Variants in CGB7 observed in about 807,000 individuals in gnomAD.
CGB7 encodes chorionic gonadotropin subunit beta 7, also known as choriogonadotropin subunit beta 7.
Under a neutral mutation model 7.3 loss-of-function variants are expected in CGB7, and 6 were observed. That is an observed-to-expected ratio of 0.82 (90% CI 0.45 to 1.62). The LOEUF is 1.62. CGB7 is among the 40% of genes most tolerant of loss of function. The pLI is 0.01. For synonymous variants in CGB7, 47 were observed against 100.8 expected (o/e 0.47, Z 3.20); for missense variants, 114 against 236.2 (o/e 0.48, Z 3.39).
intron 2 of CGB7, 44 bp downstream of exon 2, chr19:49,057,077 C>CG (rs1277722315): frequency 1.3e-6 from 2 of 1,523,366 alleles, no homozygotes; most frequent in Non-Finnish European, 1.8e-6. Flanking sequence ...CCGGCCATGG[C>CG]GGGGGCTGTG....
Position 49,057,563 on chromosome 19 carries a change from G to T in CGB7, c.-1450C>A. 1 of 1,188,132 alleles carries T rather than the reference G, an allele frequency of 8.4e-7. No homozygotes were observed. The highest frequency in any genetic ancestry group is 1.1e-6 in the Non-Finnish European group (1 of 952,088). 73.6% of individuals were successfully genotyped at this position (1,188,132 alleles called of 1,614,324 possible). A position where few individuals can be genotyped will look rare whatever the true frequency, so the allele number is the denominator to read the frequency against. ...CTGCCCCCGGTCTCAAGCCTTCTTG[G>T]TGTGGCCACTGGAGCTGAGCTGCAT... On this transcript the variant is annotated 5_prime_UTR_variant, in exon 1 of 5. Transcript: ENST00000684222.
At position 49,054,315 on chromosome 19, in the gene CGB7, T is replaced by C. The variant is rs34618037; in HGVS notation, c.474A>G (p.Ser158=). Reference sequence around the variant, plus strand: ...TTTATTGTGGGAGGATCGGGGTGTCTGAGGGCCCCGGGAGTCGGGATGGAC... The same window carrying C: ...TTTATTGTGGGAGGATCGGGGTGTCCGAGGGCCCCGGGAGTCGGGATGGAC... The part of the protein sequence containing the change: ...LPSPSRLPGP[S]DTPILPQ Residue 158 remains serine (S), a synonymous_variant, in exon 5 of 5, where the codon TCA becomes TCG. Coordinates refer to ENST00000684222, the MANE Select transcript of CGB7 (RefSeq NM_001385261.1). 283,210 of 1,240,678 alleles carry C rather than the reference T, an allele frequency of 0.23. 72,122 individuals carry two copies. The highest frequency in any genetic ancestry group is 0.3 in the South Asian group (22,125 of 74,852). The allele number at this position is 1,240,678 out of a possible 1,614,324, so 76.9% of individuals were successfully genotyped here.
rs1191743203 is a variant in CGB7 at position 49,055,964 on chromosome 19, C to T, written c.-589G>A. 3 of 1,114,224 alleles carry T rather than the reference C, an allele frequency of 2.7e-6. No individual in the cohort carries two copies. Among genetic ancestry groups the T allele is most frequent in the Non-Finnish European group, 3.3e-6 (3 of 902,726 alleles). 69.0% of individuals were successfully genotyped at this position (1,114,224 alleles called of 1,614,324 possible). ...CCCACCCTACCCTCAAGCCAGGATG[C>T]CCGGAGCGGTCCCCGGAAATGCGTG... On this transcript the variant is annotated 5_prime_UTR_variant, in exon 3 of 5. Transcript: ENST00000684222.
Position 49,056,061 on chromosome 19 carries a change from C to A in CGB7, c.-686G>T. The A allele has an allele frequency of 8.5e-7, 1 of 1,171,264 alleles. No individual in the cohort carries two copies. Among genetic ancestry groups the A allele is most frequent in the East Asian group, 6.2e-5 (1 of 16,058 alleles). 72.6% of individuals were successfully genotyped at this position (1,171,264 alleles called of 1,614,324 possible). The stretch of plus-strand genomic sequence containing the variant: ...TGTCCTGCCCGCGGGGCCGCAGCCT[C>A]GGAGGACATTGTCTGGACTTAGTCC... On this transcript the variant is annotated 5_prime_UTR_variant, in exon 3 of 5. The change creates a premature stop within an existing upstream ORF in the 5' untranslated region. Transcript: ENST00000684222.
chr19:49,056,511 C>T lies in CGB7; in HGVS notation c.-1136G>A. On this transcript the variant is annotated 5_prime_UTR_variant, in exon 3 of 5. Coordinates refer to ENST00000684222, the MANE Select transcript of CGB7 (RefSeq NM_001385261.1). ...AAGAGCAGAGACAGGGCTGCCGCTG[C>T]GGGTCGTGACTCCAGAGTTGGGGCG... The T allele has an allele frequency of 1.5e-6, 2 of 1,302,644 alleles. No individual in the cohort carries two copies. Among genetic ancestry groups the T allele is most frequent in the Non-Finnish European group, 1.0e-6 (1 of 997,690 alleles). The allele number at this position is 1,302,644 out of a possible 1,614,324, so 80.7% of individuals were successfully genotyped here. A position where few individuals can be genotyped will look rare whatever the true frequency, so the allele number is the denominator to read the frequency against.
Position 49,054,826 on chromosome 19 carries a change from C to T in CGB7, c.183+15G>A, listed in dbSNP as rs1270006070. On this transcript the variant is annotated intron_variant, in intron 4 of 4. Coordinates refer to ENST00000684222, the MANE Select transcript of CGB7 (RefSeq NM_001385261.1). The stretch of plus-strand genomic sequence containing the variant: ...CCTGAGGTGGCAGCACCTGCCCGGG[C>T]CCCGGGCAGCTCACCATGGTGGGGC... 5 of 1,574,502 alleles carry T rather than the reference C, an allele frequency of 3.2e-6. No homozygotes were observed. The highest frequency in any genetic ancestry group is 2.3e-5 in the East Asian group (1 of 44,346).
rs993962182 is a variant in CGB7 at position 49,056,189 on chromosome 19, C to A, written c.-814G>T. On this transcript the variant is annotated 5_prime_UTR_variant, in exon 3 of 5. Coordinates refer to ENST00000684222, the MANE Select transcript of CGB7 (RefSeq NM_001385261.1). ...GTGCGAGCCCACCTAGGTCCGACAC[C>A]GCGTAGTGAGCGGCTGCCCAGAGCT... 11 of 1,270,266 alleles carry A rather than the reference C, an allele frequency of 8.7e-6. No individual in the cohort carries two copies. The highest frequency in any genetic ancestry group is 1.0e-5 in the Non-Finnish European group (10 of 977,478). 78.7% of individuals were successfully genotyped at this position (1,270,266 alleles called of 1,614,324 possible). A position where few individuals can be genotyped will look rare whatever the true frequency, so the allele number is the denominator to read the frequency against.
In CGB7 at chr19:49,055,553, C is replaced by T. The variant is rs2040049022; in HGVS notation, c.-178G>A. The stretch of plus-strand genomic sequence containing the variant: ...GCTCAGCGGAGCACCCCAGTCCTCT[C>T]CCCTCAGTGGTCTAGCGCCAAGGAT... On this transcript the variant is annotated 5_prime_UTR_variant, in exon 3 of 5. Coordinates refer to ENST00000684222, the MANE Select transcript of CGB7 (RefSeq NM_001385261.1). 19 of 1,544,208 alleles carry T rather than the reference C, an allele frequency of 1.2e-5. No homozygotes were observed. Among genetic ancestry groups the T allele is most frequent in the East Asian group, 2.3e-5 (1 of 44,122 alleles).
chr19:49,055,056 G>C, intron 3 of CGB7, 48 bp from the exon 4 acceptor site: 1 of 1,600,928 alleles, frequency 6.2e-7, no homozygotes, highest in Middle Eastern at 2.2e-4. Flanking sequence ...ACAGCCCTGA[G>C]CCCTGGCCTT....
At chr19:49,057,036 A>C (rs1426784246) in intron 2 of CGB7, 85 bp downstream of exon 2, 76 of 1,401,956 alleles carry the variant, frequency 5.4e-5, no homozygotes, top group Non-Finnish European at 7.0e-5. Context: ...CCGGTCAGGG[A>C]ATGGGAGCCA....
At chr19:49,057,411 G>T in intron 1 of CGB7, 51 bp downstream of exon 1, 8 of 1,389,158 alleles carry the variant, frequency 5.8e-6, no homozygotes, top group Non-Finnish European at 7.5e-6. Context: ...TGCCACCCAC[G>T]CCAGGGAACT....
In CGB7 at chr19:49,055,544, C is replaced by T; in HGVS notation, c.-169G>A. ...ACAGGAGTGGCTCAGCGGAGCACCC[C>T]AGTCCTCTCCCCTCAGTGGTCTAGC... On this transcript the variant is annotated 5_prime_UTR_variant, in exon 3 of 5. Coordinates refer to ENST00000684222, the MANE Select transcript of CGB7 (RefSeq NM_001385261.1). 1.9e-6 allele frequency: 3 copies of T among 1,556,260 alleles called. No homozygotes were observed. Among genetic ancestry groups the T allele is most frequent in the Admixed American group, 3.7e-5 (2 of 54,102 alleles).
chr19:49,057,429 C>A (rs2040080254), intron 1 of CGB7, 33 bp downstream of exon 1: 1 of 1,372,934 alleles, frequency 7.3e-7, no homozygotes. Context: ...ACTTCAGCTT[C>A]CTTTCTCATA....
chr19:49,056,978 G>T (rs140697645), intron 2 of CGB7, 143 bp downstream of exon 2: 7 of 862,196 alleles, frequency 8.1e-6, no homozygotes, highest in Non-Finnish European at 1.2e-5. Context: ...GGAGGGGCTG[G>T]GGTCTGAACT....
intron 3 of CGB7, 117 bp from the exon 4 acceptor site, chr19:49,055,125 T>C: frequency 6.4e-7 from 1 of 1,574,082 alleles, no homozygotes; most frequent in Admixed American, 1.7e-5. Context: ...GCATCTCCTA[T>C]TCAGGACCCA....
chr19:49,054,468 G>T lies in CGB7; in HGVS notation c.321C>A (p.Ser107Arg). Residue 107 changes from serine to arginine, a missense_variant, in exon 5 of 5, where the codon AGC becomes AGA. By Grantham distance (110) the Ser-to-Arg change is moderately radical. This residue lies in a region of CGB7 where 36 missense variants were observed against 126.1 expected (regional missense o/e 0.29). Transcript: ENST00000684222. ...TGCGGCGGCAGAGTGCACATTGACA[G>T]CTGAGAGCCACGGCGTAGGAGACCA... ...NPVVSYAVAL[S>R]CQCALCRRST... 6.3e-7 allele frequency: 1 copy of T among 1,585,918 alleles called. No homozygotes were observed. The highest frequency in any genetic ancestry group is 8.6e-7 in the Non-Finnish European group (1 of 1,163,786).
rs566419881 is a variant in CGB7, at chr19:49,056,448, G to A, written c.-1073C>T. ...GAGGAGCTGTAGGTTTCCTGAGCCG[G>A]AGACATGGCCCGCCGTGCGGCGCTC... is the stretch of plus-strand genomic sequence containing the variant. On this transcript the variant is annotated 5_prime_UTR_variant, in exon 3 of 5. Transcript: ENST00000684222. 1.4e-4 allele frequency: 184 copies of A among 1,298,988 alleles called. 3 individuals are homozygous for A. In the South Asian group the frequency reaches 2.1e-3, roughly 15 times the overall value. 80.5% of individuals were successfully genotyped at this position (1,298,988 alleles called of 1,614,324 possible).
chr19:49,055,325 G>A, intron 3 of CGB7, 36 bp downstream of exon 3: 1 of 1,611,618 alleles, frequency 6.2e-7, no homozygotes. Flanking sequence ...TGGCCTGGAA[G>A]GAGGTGGAAG....
rs1223319011 is a variant in CGB7 at position 49,055,619 on chromosome 19, G to A, written c.-244C>T. On this transcript the variant is annotated 5_prime_UTR_variant, in exon 3 of 5. It adds an upstream start codon to the 5' untranslated region. Transcript: ENST00000684222. ...GTGAAGTGACCTCTGAGACTCAGTC[G>A]TCGAGTGCTAGGGACTAGTCGAGGC... 1.0e-5 allele frequency: 15 copies of A among 1,438,762 alleles called. No individual in the cohort carries two copies. Among genetic ancestry groups the A allele is most frequent in the Non-Finnish European group, 1.3e-5 (14 of 1,097,252 alleles). 89.1% of individuals were successfully genotyped at this position (1,438,762 alleles called of 1,614,324 possible).
Sources: gnomAD v4.1 joint callset for allele counts on GRCh38, gnomAD v4.1.1 for gene constraint, gnomAD v4.1.1 regional missense constraint, MANE v1.5 for transcripts, NCBI Gene and HGNC (gene_info 2026-07-23, HGNC 2026-07-21) for gene names.